ANAPC4: variants seen among roughly 807,000 people sequenced by gnomAD.
ANAPC4 encodes the protein anaphase-promoting complex subunit 4.
In ANAPC4, 63 loss-of-function variants were observed where a neutral mutation model predicts 119.8. The ratio of observed to expected loss-of-function variants is 0.53; its 90% CI spans 0.43 to 0.65. The LOEUF (loss-of-function observed/expected upper bound fraction) is 0.65. Among genes scored for constraint, ANAPC4 ranks in the 30% least tolerant of loss-of-function variants. ANAPC4 has a pLI of 0.00. For synonymous variants in ANAPC4, 283 were observed against 318.6 expected (o/e 0.89, Z 1.19); for missense variants, 716 against 945.1 (o/e 0.76, Z 3.18).
chr4:25,389,754 T>C (rs1446129650), intron 7 of ANAPC4, among the ~76,000 whole-genome samples: 1 of 152,244 alleles, frequency 6.6e-6, no homozygotes, highest in Non-Finnish European at 1.5e-5. Flanking sequence ...TCTAAAATTT[T>C]AAGTATTCAT....
At chr4:25,394,799 A>G (rs2109123733) in intron 13 of ANAPC4, 30 bp from the exon 14 acceptor site, 12 of 1,604,374 alleles carry the variant, frequency 7.5e-6, no homozygotes, top group Non-Finnish European at 1.0e-5. Flanking sequence ...TCCTGATTGT[A>G]TGCTAAATAT....
intron 21 of ANAPC4, among the ~76,000 whole-genome samples, chr4:25,412,369 T>C (rs1426952838): frequency 6.6e-6 from 1 of 152,068 alleles, no homozygotes; most frequent in Non-Finnish European, 1.5e-5. Flanking sequence ...TCCAAGCCCC[T>C]CTCTCTTCCT....
intron 16 of ANAPC4, among the ~76,000 whole-genome samples, chr4:25,401,523 A>G (rs1283056335): frequency 6.6e-6 from 1 of 152,192 alleles, no homozygotes; most frequent in Non-Finnish European, 1.5e-5. Context: ...AGCCCCACAC[A>G]TCACCCTGAG....
intron 2 of ANAPC4, among the ~76,000 whole-genome samples, 158 bp from the exon 3 acceptor site, chr4:25,380,215 CT>C (rs1314327486): frequency 2.0e-5 from 3 of 152,086 alleles, no homozygotes; most frequent in African/African-American, 7.2e-5. Context: ...TTTAAAATAC[CT>C]TGTGTTCATT....
In ANAPC4 at chr4:25,405,889, T is replaced by C. The variant is rs1174992519; in HGVS notation, c.1317+270T>C. On this transcript the variant is annotated intron_variant, in intron 18 of 28. Coordinates refer to ENST00000315368, the MANE Select transcript of ANAPC4 (RefSeq NM_013367.3). The surrounding 1 kb of genome is among the most constrained non-coding windows in gnomAD (Gnocchi z 4.6). ...ATACATGTAAGACAGCATCCTTGTA[T>C]TCCTTACTTTGACTTCCTTAAATTT... Among the ~76,000 whole-genome samples, 1 of 144,656 alleles carries C rather than the reference T, an allele frequency of 6.9e-6. No homozygotes were observed. Among genetic ancestry groups the C allele is most frequent in the Non-Finnish European group, 1.5e-5 (1 of 67,872 alleles). 94.9% of individuals were successfully genotyped at this position (144,656 alleles called of 152,430 possible).
intron 4 of ANAPC4, among the ~76,000 whole-genome samples, chr4:25,386,188 C>G: frequency 6.6e-6 from 1 of 151,868 alleles, no homozygotes; most frequent in Non-Finnish European, 1.5e-5. Flanking sequence ...GCTGGGATTA[C>G]AGGCATAAGC....
At chr4:25,414,242 C>T in intron 22 of ANAPC4, 82 bp from the exon 23 acceptor site, 5 of 976,368 alleles carry the variant, frequency 5.1e-6, no homozygotes, top group Non-Finnish European at 7.3e-6. Flanking sequence ...CACATTCGAA[C>T]AGTGATGGTC....
chr4:25,396,571 C>T (rs995739479), intron 14 of ANAPC4, 93 bp from the exon 15 acceptor site: 80 of 914,742 alleles, frequency 8.7e-5, no homozygotes, highest in Non-Finnish European at 1.2e-4. Context: ...AAGTTACTTT[C>T]AGTTTTTATT....
chr4:25,415,977 T>C (rs1285034838), intron 26 of ANAPC4: 2 of 165,146 alleles, frequency 1.2e-5, no homozygotes, highest in East Asian at 1.8e-4. Flanking sequence ...CATAGGCTGA[T>C]CTTTTTCTCA....
intron 20 of ANAPC4, among the ~76,000 whole-genome samples, chr4:25,408,549 T>C (rs1723395450): frequency 6.6e-6 from 1 of 151,932 alleles, no homozygotes; most frequent in Non-Finnish European, 1.5e-5. Flanking sequence ...TTTTTTTTTT[T>C]TGAGACAAGA....
At chr4:25,393,759 G>T in intron 10 of ANAPC4, 46 bp from the exon 11 acceptor site, 4 of 1,215,070 alleles carry the variant, frequency 3.3e-6, no homozygotes, top group South Asian at 2.9e-5. Flanking sequence ...ATAGCAAGTT[G>T]GTTTAAATAT....
In ANAPC4 at chr4:25,418,430, G is replaced by A; in HGVS notation, c.*48G>A. 6.6e-7 allele frequency: 1 copy of A among 1,522,426 alleles called. No individual in the cohort carries two copies. The highest frequency in any genetic ancestry group is 1.4e-5 in the African/African-American group (1 of 72,840). The allele number at this position is 1,522,426 out of a possible 1,614,324, so 94.3% of individuals were successfully genotyped here. A position where few individuals can be genotyped will look rare whatever the true frequency, so the allele number is the denominator to read the frequency against. On this transcript the variant is annotated 3_prime_UTR_variant, in exon 29 of 29. Transcript: ENST00000315368. The stretch of plus-strand genomic sequence containing the variant: ...TGTAATTATGGCCAAAAGGACATAG[G>A]AGATGGACTAAGATGTCTTGGACCA...
At chr4:25,386,313 A>C (rs1329243423) in intron 4 of ANAPC4, among the ~76,000 whole-genome samples, 1 of 152,120 alleles carries the variant, frequency 6.6e-6, no homozygotes, top group Admixed American at 6.5e-5. Context: ...GCAGGGTTCA[A>C]GTGATTCTCC....
chr4:25,390,305 GT>G, intron 8 of ANAPC4, 85 bp downstream of exon 8: 10 of 980,578 alleles, frequency 1.0e-5, no homozygotes, highest in South Asian at 3.8e-5. Context: ...AAAACACTAG[GT>G]TTTTTTTCAG....
intron 16 of ANAPC4, among the ~76,000 whole-genome samples, chr4:25,397,457 C>G (rs1048570410): frequency 2.6e-5 from 4 of 152,192 alleles, no homozygotes; most frequent in African/African-American, 9.6e-5. Context: ...TCATTACTCT[C>G]CTGGGTTAGA....
chr4:25,401,261 G>T (rs1560440900), intron 16 of ANAPC4, among the ~76,000 whole-genome samples: 1 of 152,122 alleles, frequency 6.6e-6, no homozygotes, highest in Non-Finnish European at 1.5e-5. Flanking sequence ...TATTCAGGAG[G>T]CAATTTAAAG....
chr4:25,412,632 G>A (rs949756750), intron 21 of ANAPC4, among the ~76,000 whole-genome samples: 2 of 151,998 alleles, frequency 1.3e-5, no homozygotes, highest in African/African-American at 4.8e-5. Context: ...TGCACCTGTA[G>A]TCCTGTTACT....
intron 3 of ANAPC4, 52 bp from the exon 4 acceptor site, chr4:25,383,209 A>G: frequency 1.4e-6 from 2 of 1,479,742 alleles, no homozygotes; most frequent in Non-Finnish European, 1.8e-6. Context: ...ATACCCATTT[A>G]TTTTTCTCAA....
At chr4:25,407,861 C>T (rs1723344939) in intron 20 of ANAPC4, among the ~76,000 whole-genome samples, 1 of 151,896 alleles carries the variant, frequency 6.6e-6, no homozygotes, top group Admixed American at 6.6e-5. Context: ...CATCACTGCA[C>T]TCCAGCCTGG....
Sources: allele counts gnomAD v4.1 joint callset (sites outside exome capture counted in the v4.1 genomes callset), GRCh38; gene constraint gnomAD v4.1.1; non-coding constraint Gnocchi (gnomAD v3.1); transcripts MANE v1.5; gene names NCBI Gene and HGNC (gene_info 2026-07-23, HGNC 2026-07-21).